The following INF2 variants were observed in gnomAD, a reference collection of about 807,000 sequenced individuals.
INF2 encodes the protein inverted formin-2.
INF2 carries 43 observed loss-of-function variants against 123.5 expected under a neutral mutation model. That is an observed-to-expected ratio of 0.35 (90% confidence interval 0.27 to 0.45). The LOEUF is 0.45. INF2 is among the 20% of genes least tolerant of loss of function. The pLI is 1.00. For synonymous variants in INF2, 851 were observed against 745.0 expected (o/e 1.14, Z -2.32); for missense variants, 1,453 against 1,682.7 (o/e 0.86, Z 2.39).
intron 9 of INF2, 25 bp downstream of exon 9, chr14:104,708,612 C>T: frequency 1.2e-6 from 2 of 1,612,664 alleles, no homozygotes; most frequent in Non-Finnish European, 1.7e-6. Flanking sequence ...GGGACTCAGA[C>T]CGGGGCCGCC....
intron 1 of INF2, among the ~76,000 whole-genome samples, chr14:104,692,028 T>C (rs1350783777): frequency 6.6e-6 from 1 of 152,162 alleles, no homozygotes; most frequent in Non-Finnish European, 1.5e-5. Flanking sequence ...TGTAATTAAA[T>C]AAGGAACCAC....
chr14:104,700,649 G>C (rs1889434434), intron 1 of INF2, among the ~76,000 whole-genome samples: 1 of 152,082 alleles, frequency 6.6e-6, no homozygotes, highest in Non-Finnish European at 1.5e-5. Flanking sequence ...TTCTGGGCTG[G>C]GCCTGTTACC....
chr14:104,688,012 G>A (rs527998860), upstream of INF2, among the ~76,000 whole-genome samples: 14 of 152,238 alleles, frequency 9.2e-5, no homozygotes, highest in Non-Finnish European at 1.9e-4. Flanking sequence ...TCGGGTCCAG[G>A]AGTGCACCAG....
intron 2 of INF2, among the ~76,000 whole-genome samples, chr14:104,702,118 G>A (rs978634884): frequency 1.3e-5 from 2 of 152,024 alleles, no homozygotes; most frequent in Non-Finnish European, 2.9e-5. Flanking sequence ...TCAGAGATGC[G>A]AATCCACCCG....
chr14:104,708,824 C>T lies in INF2; in HGVS notation c.1949+92C>T, dbSNP rs545950135. The T allele has an allele frequency of 7.8e-5, 103 of 1,319,374 alleles. No individual in the cohort carries two copies. The East Asian group carries it at 2.2e-3, about 28-fold the overall frequency. 81.7% of individuals were successfully genotyped at this position (1,319,374 alleles called of 1,614,324 possible). ...GGGCCCAGCAGTGCCCTCTGCAGGCCGCCATGGGAAGTGCACACTGCATCC... is the reference window on the plus strand; with the variant it reads ...GGGCCCAGCAGTGCCCTCTGCAGGCTGCCATGGGAAGTGCACACTGCATCC... On this transcript the variant is annotated intron_variant, in intron 10 of 22. Transcript: ENST00000392634.
At position 104,699,027 on chromosome 14, in the gene INF2, G is replaced by A. The variant is rs1020966935; in HGVS notation, c.-9-2330G>A. 6.6e-6 allele frequency among the ~76,000 whole-genome samples: 1 copy of A among 152,168 alleles called. No individual in the cohort carries two copies. Among genetic ancestry groups the A allele is most frequent in the African/African-American group, 2.4e-5 (1 of 41,436 alleles). On this transcript the variant is annotated intron_variant, in intron 1 of 22. Transcript: ENST00000392634. The surrounding 1 kb of genome is among the most constrained non-coding windows in gnomAD (Gnocchi z 4.7). ...TGACCAAGGGGGATCCTCTTGACTG[G>A]GGTCTTTCAGGGGCTTGCACAGGGC...
At chr14:104,713,035 G>C in intron 18 of INF2, 43 bp downstream of exon 18, 1 of 1,610,610 alleles carries the variant, frequency 6.2e-7, no homozygotes, top group Non-Finnish European at 8.5e-7. Context: ...GCTAGAGTGG[G>C]GTCCCGAGGC....
Position 104,711,121 on chromosome 14 carries a change from T to C in INF2, c.2353T>C (p.Leu785=). The change falls in exon 15 of 23, where the codon TTG becomes CTG. Residue 785 remains leucine (L), a synonymous_variant. Coordinates refer to ENST00000392634, the MANE Select transcript of INF2 (RefSeq NM_022489.4). ...CGCCGACGGCTTCAAGATCAGCACATTGCTGAAGCTCACGGAGACCAAGTC... is the reference window on the plus strand; with the variant it reads ...CGCCGACGGCTTCAAGATCAGCACACTGCTGAAGCTCACGGAGACCAAGTC... ...GDADGFKIST[L]LKLTETKSQQ... 1.3e-6 allele frequency: 2 copies of C among 1,583,762 alleles called. No individual in the cohort carries two copies. The highest frequency in any genetic ancestry group is 1.7e-6 in the Non-Finnish European group (2 of 1,166,366).
intron 1 of INF2, among the ~76,000 whole-genome samples, chr14:104,692,585 C>T (rs544249881): frequency 2.6e-5 from 4 of 152,338 alleles, no homozygotes; most frequent in South Asian, 2.1e-4. Flanking sequence ...CCTCCAAACT[C>T]GGGGGTTGGT....
chr14:104,709,750 G>A, intron 12 of INF2, 45 bp downstream of exon 12: 2 of 1,544,836 alleles, frequency 1.3e-6, no homozygotes, highest in Non-Finnish European at 8.9e-7. Context: ...GCCCCAGGTG[G>A]GAGGAGAGCA....
upstream of INF2, among the ~76,000 whole-genome samples, chr14:104,687,053 C>T (rs1317589229): frequency 2.0e-5 from 3 of 152,224 alleles, no homozygotes; most frequent in Non-Finnish European, 4.4e-5. The surrounding 1 kb of genome is among the most constrained non-coding windows in gnomAD (Gnocchi z 5.6). Context: ...CATCTGGGTA[C>T]CTGCAGCTGG....
intron 1 of INF2, among the ~76,000 whole-genome samples, chr14:104,700,447 G>A (rs1386643412): frequency 2.0e-5 from 3 of 152,190 alleles, no homozygotes; most frequent in Non-Finnish European, 4.4e-5. Flanking sequence ...GCTGTTCTCA[G>A]ACGCTAAATA....
At position 104,699,723 on chromosome 14, in the gene INF2, GA is replaced by G. The variant is rs1889381768; in HGVS notation, c.-9-1633del. 7.5e-6 allele frequency: 3 copies of G among 398,560 alleles called. No homozygotes were observed. The South Asian group carries it at 3.1e-4, about 41-fold the overall frequency. 24.7% of individuals were successfully genotyped at this position (398,560 alleles called of 1,614,324 possible). ...CCAGACCAGGACCCCCTGCAGGGAG[GA>G]GGGGCATCCCAAGGACAGCCTCTCA... On this transcript the variant is annotated intron_variant, in intron 1 of 22. Coordinates refer to ENST00000392634, the MANE Select transcript of INF2 (RefSeq NM_022489.4). The surrounding 1 kb of genome is among the most constrained non-coding windows in gnomAD (Gnocchi z 4.7).
In INF2 at chr14:104,694,631, G is replaced by A. The variant is rs567003419; in HGVS notation, c.-10+4892G>A. ...GAACCAGGAGATCCTATGGGTCACAGGCCGGTCAGCGGAAGAGCCCAGTCT... is the reference window on the plus strand; with the variant it reads ...GAACCAGGAGATCCTATGGGTCACAAGCCGGTCAGCGGAAGAGCCCAGTCT... On this transcript the variant is annotated intron_variant, in intron 1 of 22. Coordinates refer to ENST00000392634, the MANE Select transcript of INF2 (RefSeq NM_022489.4). Among the ~76,000 whole-genome samples, 31 of 152,324 alleles carry A rather than the reference G, an allele frequency of 2.0e-4. No homozygotes were observed. The South Asian group carries it at 2.3e-3, about 11-fold the overall frequency.
intron 4 of INF2, 121 bp from the exon 5 acceptor site, chr14:104,703,795 T>C: frequency 6.5e-7 from 1 of 1,527,458 alleles, no homozygotes; most frequent in Non-Finnish European, 9.0e-7. Context: ...CTCCAGAGCC[T>C]CAGGTCTCTG....
intron 5 of INF2, chr14:104,704,849 C>T (rs1889702312): frequency 6.6e-6 from 1 of 152,248 alleles, no homozygotes; most frequent in Non-Finnish European, 1.5e-5. Context: ...GCAGTTCATT[C>T]AGGTTTCAGA....
In INF2 at chr14:104,719,050, A is replaced by C; in HGVS notation, c.*257A>C. ...GTGCCAGCCTCCCACCTGCTTCCTA[A>C]AGGCAACCCTGGCCCACACCCGCAT... On this transcript the variant is annotated 3_prime_UTR_variant, in exon 23 of 23. Coordinates refer to ENST00000392634, the MANE Select transcript of INF2 (RefSeq NM_022489.4). 2.5e-6 allele frequency: 2 copies of C among 801,038 alleles called. No homozygotes were observed. The highest frequency in any genetic ancestry group is 3.7e-6 in the Non-Finnish European group (2 of 542,316). 49.6% of individuals were successfully genotyped at this position (801,038 alleles called of 1,614,324 possible).
intron 1 of INF2, among the ~76,000 whole-genome samples, chr14:104,683,169 G>A (rs1330428577): frequency 2.0e-5 from 3 of 151,950 alleles, no homozygotes; most frequent in African/African-American, 4.8e-5. Flanking sequence ...GGAGGGGTCT[G>A]CGGGTGGCTG....
chr14:104,701,023 CG>C (rs1191740150), intron 1 of INF2, among the ~76,000 whole-genome samples: 1 of 152,130 alleles, frequency 6.6e-6, no homozygotes, highest in Non-Finnish European at 1.5e-5. Flanking sequence ...CAAGCTCATC[CG>C]GTCCCGTCAC....
Sources: allele counts gnomAD v4.1 joint callset (sites outside exome capture counted in the v4.1 genomes callset), GRCh38; gene constraint gnomAD v4.1.1; non-coding constraint Gnocchi (gnomAD v3.1); transcripts MANE v1.5; gene names NCBI Gene and HGNC (gene_info 2026-07-23, HGNC 2026-07-21).